Variants in ALMS1 observed in about 807,000 individuals in gnomAD.
ALMS1 encodes the protein centrosome-associated protein ALMS1.
Under a neutral mutation model 352.2 loss-of-function variants are expected in ALMS1, and 271 were observed. That is an observed-to-expected ratio of 0.77 (90% CI 0.70 to 0.85). The LOEUF is 0.85. ALMS1 is among the 40% of genes least tolerant of loss of function. The pLI, the probability that ALMS1 is intolerant of heterozygous loss-of-function variation, is 0.00. For missense variants in ALMS1, 5,445 were observed against 4,870.7 expected (o/e 1.12, Z -3.51); for synonymous variants, 1,865 against 1,761.2 (o/e 1.06, Z -1.48).
chr2:73,567,558 A>G (rs1460381773), intron 15 of ALMS1, among the ~76,000 whole-genome samples: 1 of 152,244 alleles, frequency 6.6e-6, no homozygotes, highest in Admixed American at 6.5e-5. Flanking sequence ...TACTGGGACA[A>G]GAGACTGATA....
chr2:73,385,934 G>GGAGGAGGAA lies in ALMS1; in HGVS notation c.75_83dup (p.Glu26_Glu28dup). 9.1e-7 allele frequency: 1 copy of GGAGGAGGAA among 1,099,468 alleles called. No individual in the cohort carries two copies. The allele number at this position is 1,099,468 out of a possible 1,614,324, so 68.1% of individuals were successfully genotyped here. ...AGGAGGAGGAGGAGGAGGAGGAGGA[G>GGAGGAGGAA]GAGGAGGAAGAGGAGGAGGCTGCAG... is the stretch of plus-strand genomic sequence containing the variant. On this transcript the variant is annotated inframe_insertion, in exon 1 of 23. Coordinates refer to ENST00000613296, the MANE Select transcript of ALMS1 (RefSeq NM_001378454.1).
At chr2:73,553,563 T>C (rs983537921) in intron 13 of ALMS1, among the ~76,000 whole-genome samples, 4 of 152,200 alleles carry the variant, frequency 2.6e-5, no homozygotes, top group African/African-American at 9.7e-5. Context: ...AAAGCGGTTA[T>C]TAACTCTTCA....
At chr2:73,426,690 A>G in intron 6 of ALMS1, 137 bp downstream of exon 6, 1 of 852,328 alleles carries the variant, frequency 1.2e-6, no homozygotes. Context: ...TGGTGAGTAC[A>G]TTGAGCTAGC....
At chr2:73,608,739 A>G (rs1310484302) in intron 22 of ALMS1, among the ~76,000 whole-genome samples, 165 bp downstream of exon 22, 2 of 152,210 alleles carry the variant, frequency 1.3e-5, no homozygotes, top group East Asian at 3.9e-4. Flanking sequence ...AGGCATCTGT[A>G]ATTAGACTTC....
In ALMS1 at chr2:73,428,145, A is replaced by G. The variant is rs541256393; in HGVS notation, c.1338+1592A>G. ...ACTGGGGATGAAAATGATAGTTAAC[A>G]CTTTGTGCTCAAGTACTGTGCTAAG... On this transcript the variant is annotated intron_variant, in intron 6 of 22. Coordinates refer to ENST00000613296, the MANE Select transcript of ALMS1 (RefSeq NM_001378454.1). Among the ~76,000 whole-genome samples, 8 of 152,316 alleles carry G rather than the reference A, an allele frequency of 5.3e-5. No homozygotes were observed. The South Asian group carries it at 8.3e-4, about 16-fold the overall frequency.
intron 7 of ALMS1, among the ~76,000 whole-genome samples, chr2:73,433,817 T>A (rs1232250405): frequency 6.6e-6 from 1 of 152,224 alleles, no homozygotes; most frequent in African/African-American, 2.4e-5. Context: ...AGATTTTATA[T>A]TTTTCATGAA....
chr2:73,404,598 T>C (rs764860415), intron 1 of ALMS1, among the ~76,000 whole-genome samples: 2 of 152,182 alleles, frequency 1.3e-5, no homozygotes, highest in African/African-American at 2.4e-5. Flanking sequence ...TTTTGTATGT[T>C]GAACCATCCT....
intron 10 of ALMS1, among the ~76,000 whole-genome samples, chr2:73,506,846 G>A (rs1267120623): frequency 6.6e-6 from 1 of 152,112 alleles, no homozygotes; most frequent in African/African-American, 2.4e-5. Flanking sequence ...GGCCATCCTT[G>A]CATTGTGTCG....
chr2:73,444,721 A>G (rs934618948), intron 7 of ALMS1, among the ~76,000 whole-genome samples: 3 of 152,196 alleles, frequency 2.0e-5, no homozygotes, highest in Non-Finnish European at 4.4e-5. Context: ...ATCAGTATGC[A>G]GGAACTTTGG....
intron 9 of ALMS1, among the ~76,000 whole-genome samples, chr2:73,463,207 G>A (rs939201898): frequency 1.8e-4 from 27 of 152,162 alleles, no homozygotes; most frequent in African/African-American, 6.5e-4. Context: ...GTAGTTGGAA[G>A]TAAAGCACTC....
Position 73,385,906 on chromosome 2 carries a change from AGGAGG to A in ALMS1, c.39_43del (p.Glu14GlyfsTer111). ...GATCTGCCATGGCCGGGCGAGCTGG[AGGAGG>A]AGGAGGAGGAGGAGGAGGAGGAGGA... is the stretch of plus-strand genomic sequence containing the variant. On this transcript the variant is annotated frameshift_variant, in exon 1 of 23. Transcript: ENST00000613296. LOFTEE classifies it high-confidence loss of function. 3.8e-6 allele frequency: 1 copy of A among 266,486 alleles called. No individual in the cohort carries two copies. Among genetic ancestry groups the A allele is most frequent in the Non-Finnish European group, 6.0e-6 (1 of 165,504 alleles). The allele number at this position is 266,486 out of a possible 1,614,324, so 16.5% of individuals were successfully genotyped here.
At chr2:73,494,625 G>T (rs1381860507) in intron 10 of ALMS1, among the ~76,000 whole-genome samples, 1 of 152,128 alleles carries the variant, frequency 6.6e-6, no homozygotes, top group African/African-American at 2.4e-5. Context: ...GTGCTAATCA[G>T]TTATTTTGAA....
Position 73,453,716 on chromosome 2 carries a change from G to A in ALMS1, c.7189G>A (p.Gly2397Arg), listed in dbSNP as rs1671999493. 6.2e-7 allele frequency: 1 copy of A among 1,613,918 alleles called. No individual in the cohort carries two copies. ...GAGGTCTGAACCTGAAGGGTGTAGT[G>A]GAACCATTGGGAATAAAATTATTAT... ...VMRSEPEGCS[G>R]TIGNKIIIPM... The change falls in exon 8 of 23, where the codon GGA becomes AGA. Residue 2397 changes from glycine (G) to arginine (R), a missense_variant. Transcript: ENST00000613296.
Position 73,424,474 on chromosome 2 carries a change from C to T in ALMS1, c.809C>T (p.Pro270Leu). The T allele has an allele frequency of 1.2e-6, 2 of 1,601,998 alleles. No homozygotes were observed. The highest frequency in any genetic ancestry group is 1.7e-6 in the Non-Finnish European group (2 of 1,175,280). Residue 270 changes from proline to leucine, a missense_variant, in exon 5 of 23, where the codon CCA becomes CTA. Pro to Leu is a moderately conservative substitution (Grantham distance 98). Transcript: ENST00000613296. ...GAAGATACTGAATGGTCTTCTCGACCATCGGAAGTTAGTGAAGCTTTATTC... is the reference window on the plus strand; with the variant it reads ...GAAGATACTGAATGGTCTTCTCGACTATCGGAAGTTAGTGAAGCTTTATTC... ...KSEDTEWSSR[P>L]SEVSEALFQA...
chr2:73,567,017 T>C (rs1232725252), intron 15 of ALMS1, among the ~76,000 whole-genome samples: 1 of 152,178 alleles, frequency 6.6e-6, no homozygotes, highest in Non-Finnish European at 1.5e-5. Context: ...CCTCCCAGCT[T>C]CTCCTGTGTT....
Position 73,419,111 on chromosome 2 carries a change from A to C in ALMS1, c.451-12A>C. On this transcript the variant is annotated splice_polypyrimidine_tract_variant and intron_variant, in intron 2 of 22. Transcript: ENST00000613296. The stretch of plus-strand genomic sequence containing the variant: ...TAATGACTTAGCATGTTTTCCTTTA[A>C]CATTTTTCTAGAAAACAGAATCTTG... 1 of 1,610,400 alleles carries C rather than the reference A, an allele frequency of 6.2e-7. No individual in the cohort carries two copies. The highest frequency in any genetic ancestry group is 8.5e-7 in the Non-Finnish European group (1 of 1,176,904).
At chr2:73,519,605 CAAAAT>C (rs763496116) in intron 10 of ALMS1, among the ~76,000 whole-genome samples, 165 bp from the exon 11 acceptor site, 5 of 152,094 alleles carry the variant, frequency 3.3e-5, no homozygotes, top group Non-Finnish European at 5.9e-5. Flanking sequence ...TTGTATCAAA[CAAAAT>C]AAAGGGTACT....
At position 73,448,457 on chromosome 2, in the gene ALMS1, G is replaced by C; in HGVS notation, c.1930G>C (p.Glu644Gln). Residue 644 changes from glutamate to glutamine, a missense_variant, in exon 8 of 23, where the codon GAG becomes CAG. Glu to Gln is a conservative substitution (Grantham distance 29). Transcript: ENST00000613296. Reference protein sequence around the residue: ...QELPESNLTEEPLEVSAAPGP... With the variant: ...QELPESNLTEQPLEVSAAPGP... ...GTTACCAGAGAGTAACTTAACCGAA[G>C]AGCCTTTGGAAGTTTCAGCTGCTCC... is the stretch of plus-strand genomic sequence containing the variant. 6.2e-7 allele frequency: 1 copy of C among 1,613,872 alleles called. No individual in the cohort carries two copies. The highest frequency in any genetic ancestry group is 8.5e-7 in the Non-Finnish European group (1 of 1,179,926).
chr2:73,396,771 A>G (rs1670772390), intron 1 of ALMS1, among the ~76,000 whole-genome samples: 1 of 151,388 alleles, frequency 6.6e-6, no homozygotes, highest in African/African-American at 2.4e-5. Flanking sequence ...CAGCCTCCCA[A>G]GTAGCTGGGA....
Sources: gnomAD v4.1 joint callset for allele counts (sites outside exome capture counted in the v4.1 genomes callset) on GRCh38, gnomAD v4.1.1 for gene constraint, MANE v1.5 for transcripts, NCBI Gene and HGNC (gene_info 2026-07-23, HGNC 2026-07-21) for gene names.